Variants in XKR6 observed in about 807,000 individuals in gnomAD.
XKR6 encodes the protein XK related 6, also known as XK-related protein 6.
In XKR6, 22 loss-of-function variants were observed where a neutral mutation model predicts 56.7. That is an observed-to-expected ratio of 0.39 (90% confidence interval 0.28 to 0.55). XKR6 has a LOEUF of 0.55. XKR6 is among the 20% of genes least tolerant of loss of function. XKR6 has a pLI of 0.66. For missense variants in XKR6, 852 were observed against 889.0 expected (o/e 0.96, Z 0.53); for synonymous variants, 524 against 387.8 (o/e 1.35, Z -4.13).
chr8:10,995,323 T>G (rs1031212463), intron 1 of XKR6, among the ~76,000 whole-genome samples: 5 of 151,212 alleles, frequency 3.3e-5, no homozygotes, highest in African/African-American at 1.2e-4. Context: ...AGGACCAGCC[T>G]GGACTGCATG....
At chr8:11,022,251 G>A (rs936361512) in intron 1 of XKR6, among the ~76,000 whole-genome samples, 1 of 151,724 alleles carries the variant, frequency 6.6e-6, no homozygotes, top group African/African-American at 2.4e-5. Flanking sequence ...ATGCTGCAGA[G>A]TGCTGTTGCC....
intron 1 of XKR6, chr8:11,108,952 C>A (rs1000019071): frequency 6.6e-6 from 1 of 152,250 alleles, no homozygotes; most frequent in South Asian, 2.1e-4. Context: ...ACCATTGTTT[C>A]GGGCTCATTT....
At chr8:11,049,352 G>C (rs780601585) in intron 1 of XKR6, among the ~76,000 whole-genome samples, 24 of 152,312 alleles carry the variant, frequency 1.6e-4, no homozygotes, top group Non-Finnish European at 2.4e-4. Flanking sequence ...GGAGGGTTCA[G>C]AGCCCTTCCA....
chr8:11,119,986 CG>C (rs1799367209), intron 1 of XKR6, among the ~76,000 whole-genome samples: 1 of 152,136 alleles, frequency 6.6e-6, no homozygotes, highest in African/African-American at 2.4e-5. Context: ...AATTCAACAA[CG>C]CTTCATGCTA....
At chr8:10,927,404 A>G (rs1432995549) in intron 1 of XKR6, among the ~76,000 whole-genome samples, 2 of 152,106 alleles carry the variant, frequency 1.3e-5, no homozygotes, top group Non-Finnish European at 2.9e-5. Context: ...CACACAAGCC[A>G]TGAGCCACAG....
At chr8:11,008,559 C>A (rs1798426808) in intron 1 of XKR6, among the ~76,000 whole-genome samples, 2 of 152,030 alleles carry the variant, frequency 1.3e-5, no homozygotes, top group South Asian at 4.2e-4. Flanking sequence ...TAGCTGGGAC[C>A]ACAGGTGCAT....
At chr8:11,185,273 T>C (rs765700092) in intron 1 of XKR6, among the ~76,000 whole-genome samples, 1 of 152,224 alleles carries the variant, frequency 6.6e-6, no homozygotes, top group Non-Finnish European at 1.5e-5. Flanking sequence ...AATATAGGTA[T>C]GGCTCACATT....
intron 1 of XKR6, among the ~76,000 whole-genome samples, chr8:11,185,465 G>C (rs6601566): frequency 0.11 from 16,992 of 152,088 alleles, 1,195 homozygotes; most frequent in South Asian, 0.21. Flanking sequence ...ACTGATGACA[G>C]TGAAGATTTA....
chr8:11,026,652 C>A (rs1563353969), intron 1 of XKR6, among the ~76,000 whole-genome samples: 1 of 150,064 alleles, frequency 6.7e-6, no homozygotes, highest in Non-Finnish European at 1.5e-5. Flanking sequence ...ATGGTCTAGC[C>A]TACTAAACTC....
At chr8:10,921,500 T>A (rs904238628) in intron 2 of XKR6, among the ~76,000 whole-genome samples, 15 of 151,766 alleles carry the variant, frequency 9.9e-5, no homozygotes, top group African/African-American at 1.5e-4. Context: ...GCCCGTGGAG[T>A]TTGAAAGTTT....
chr8:10,960,575 G>T (rs1324100627), intron 1 of XKR6, among the ~76,000 whole-genome samples: 5 of 152,316 alleles, frequency 3.3e-5, no homozygotes, highest in South Asian at 4.1e-4. Flanking sequence ...CTTCTGCATA[G>T]TTATCTTATT....
At chr8:11,037,339 C>T (rs1799172023) in intron 1 of XKR6, among the ~76,000 whole-genome samples, 1 of 152,210 alleles carries the variant, frequency 6.6e-6, no homozygotes, top group South Asian at 2.1e-4. Flanking sequence ...CGTCCTCCTG[C>T]CTAGGCCTCC....
At chr8:11,168,431 T>C (rs1475082706) in intron 1 of XKR6, among the ~76,000 whole-genome samples, 1 of 152,142 alleles carries the variant, frequency 6.6e-6, no homozygotes, top group Non-Finnish European at 1.5e-5. Flanking sequence ...AAGTGAGACG[T>C]AGAAAGCTCT....
intron 1 of XKR6, among the ~76,000 whole-genome samples, chr8:11,179,215 C>A (rs960415694): frequency 2.0e-5 from 3 of 151,950 alleles, no homozygotes; most frequent in African/African-American, 7.3e-5. Flanking sequence ...CGAGTATAGT[C>A]ACCCAAAAAG....
intron 1 of XKR6, among the ~76,000 whole-genome samples, chr8:11,067,241 C>T (rs563830271): frequency 1.3e-5 from 2 of 152,298 alleles, no homozygotes; most frequent in East Asian, 1.9e-4. Flanking sequence ...AGGGCAAGAG[C>T]CTGGGGCGGC....
intron 1 of XKR6, among the ~76,000 whole-genome samples, chr8:10,976,622 C>T (rs1363894269): frequency 5.3e-5 from 8 of 152,172 alleles, no homozygotes; most frequent in Non-Finnish European, 7.3e-5. Context: ...ACAGTCTCCA[C>T]GTTCAAGAGT....
At chr8:11,014,925 CATCAG>C (rs1419881745) in intron 1 of XKR6, among the ~76,000 whole-genome samples, 5 of 152,228 alleles carry the variant, frequency 3.3e-5, no homozygotes, top group Non-Finnish European at 7.3e-5. Flanking sequence ...GCTATGTCTT[CATCAG>C]AAGGTTATCC....
chr8:10,966,552 T>TAGTC (rs1802229645), intron 1 of XKR6, among the ~76,000 whole-genome samples: 2 of 152,200 alleles, frequency 1.3e-5, no homozygotes, highest in South Asian at 4.2e-4. Flanking sequence ...TGGGCACCTG[T>TAGTC]AGTCCCAGCT....
At position 11,159,460 on chromosome 8, in the gene XKR6, C is replaced by T. The variant is rs115966468; in HGVS notation, c.764+41116G>A. ...ACAGCTGCTGTCCTCACAGCTGCCC[C>T]GCCTCACTTTCTGCTAACAGACGCT... is the stretch of plus-strand genomic sequence containing the variant. On this transcript the variant is annotated intron_variant, in intron 1 of 2. Coordinates refer to ENST00000416569, the MANE Select transcript of XKR6 (RefSeq NM_173683.4). 7.1e-3 allele frequency among the ~76,000 whole-genome samples: 1,079 copies of T among 152,332 alleles called. 14 individuals are homozygous for T. Among genetic ancestry groups the T allele is most frequent in the African/African-American group, 0.022 (901 of 41,572 alleles).
Sources: gnomAD v4.1 joint callset for allele counts (sites outside exome capture counted in the v4.1 genomes callset) on GRCh38, gnomAD v4.1.1 for gene constraint, MANE v1.5 for transcripts, NCBI Gene and HGNC (gene_info 2026-07-23, HGNC 2026-07-21) for gene names.